Variants in DHX36 observed in about 807,000 individuals in gnomAD.
The protein encoded by DHX36 is DEAH-box helicase 36, also known as ATP-dependent DNA/RNA helicase DHX36.
In DHX36, 50 loss-of-function variants were observed where a neutral mutation model predicts 139.0. The observed-to-expected ratio is 0.36, with a 90% CI of 0.29 to 0.46. The LOEUF (loss-of-function observed/expected upper bound fraction) is 0.46. Among genes scored for constraint, DHX36 ranks in the 20% least tolerant of loss-of-function variants. The probability of loss-of-function intolerance (pLI) is 1.00; values close to 1 mark genes in which losing one functional copy is unlikely to be tolerated. For missense variants in DHX36, 1,024 were observed against 1,211.3 expected (o/e 0.85, Z 2.29); for synonymous variants, 425 against 401.9 (o/e 1.06, Z -0.69).
At chr3:154,305,222 A>T in intron 6 of DHX36, 54 bp from the exon 7 acceptor site, 1 of 1,442,074 alleles carries the variant, frequency 6.9e-7, no homozygotes, top group Non-Finnish European at 9.6e-7. Context: ...CTAATAATTA[A>T]CTACCACAAA....
At chr3:154,321,373 C>T (rs1248524787) in intron 1 of DHX36, among the ~76,000 whole-genome samples, 2 of 152,142 alleles carry the variant, frequency 1.3e-5, no homozygotes, top group Non-Finnish European at 2.9e-5. Flanking sequence ...TTTCCAAACC[C>T]CAAACTTCAA....
rs1261405159 is a variant in DHX36, at chr3:154,284,882, A to C, written c.2137T>G (p.Cys713Gly). ...GKMILFGALF[C>G]CLDPVLTIAA... ...ATAGTGAGTACTGGGTCTAAGCAGCAGAACAGTGCTCCAAAAAGAATCATT... is the reference window on the plus strand; with the variant it reads ...ATAGTGAGTACTGGGTCTAAGCAGCCGAACAGTGCTCCAAAAAGAATCATT... Residue 713 changes from cysteine to glycine, a missense_variant, in exon 18 of 25, where the codon TGC (cysteine) becomes GGC (glycine). By Grantham distance (159) the Cys-to-Gly change is radical (BLOSUM62 -3). Around this residue, in one of 4 missense-constraint regions of DHX36, gnomAD observed 470 missense variants for 616.2 expected, o/e 0.76. Transcript: ENST00000496811. The C allele has an allele frequency of 6.2e-7, 1 of 1,614,196 alleles. No homozygotes were observed. Among genetic ancestry groups the C allele is most frequent in the Non-Finnish European group, 8.5e-7 (1 of 1,180,014 alleles).
intron 19 of DHX36, among the ~76,000 whole-genome samples, chr3:154,284,266 G>A (rs58677326): frequency 3.5e-4 from 54 of 152,132 alleles, no homozygotes; most frequent in African/African-American, 1.2e-3. Context: ...TGCAACCACC[G>A]CGCCCCGGAG....
chr3:154,275,054 C>G lies in DHX36; in HGVS notation c.*1117G>C, dbSNP rs1719106652. On this transcript the variant is annotated 3_prime_UTR_variant, in exon 25 of 25. Coordinates refer to ENST00000496811, the MANE Select transcript of DHX36 (RefSeq NM_020865.3). The stretch of plus-strand genomic sequence containing the variant: ...AGATTCAGAGAGTACAGGCACTAGC[C>G]TATGTGCTTTACATGTATTAATGTA... The G allele has an allele frequency of 2.0e-5, 3 of 152,144 alleles. No individual in the cohort carries two copies. In the South Asian group the frequency reaches 6.2e-4, roughly 32 times the overall value. 9.4% of individuals were successfully genotyped at this position (152,144 alleles called of 1,614,324 possible).
chr3:154,301,126 AC>A lies in DHX36; in HGVS notation c.1218del (p.Arg406SerfsTer22). On this transcript the variant is annotated frameshift_variant and splice_region_variant, in exon 10 of 25. Coordinates refer to ENST00000496811, the MANE Select transcript of DHX36 (RefSeq NM_020865.3). LOFTEE classifies it high-confidence loss of function. ...CTGTGTTCTTTTTGTTCTGGAACAT[AC>A]CTAAAATAAAAACATTCTTGAATAT... The part of the protein sequence containing the change: ...YLLEDVIEKI[R>X]YVPEQKEHRS... 6.3e-7 allele frequency: 1 copy of A among 1,576,916 alleles called. No individual in the cohort carries two copies.
At chr3:154,283,473 G>T (rs1027835353) in intron 19 of DHX36, among the ~76,000 whole-genome samples, 15 of 151,942 alleles carry the variant, frequency 9.9e-5, no homozygotes, top group African/African-American at 2.7e-4. Context: ...AACCACCACT[G>T]AAGTTCCAGA....
At chr3:154,280,955 T>C (rs1719316726) in intron 20 of DHX36, 93 bp from the exon 21 acceptor site, 1 of 925,876 alleles carries the variant, frequency 1.1e-6, no homozygotes, top group Non-Finnish European at 1.6e-6. Flanking sequence ...TTGTAAGCTA[T>C]CCCTGCTTTA....
Position 154,324,342 on chromosome 3 carries a change from C to A in DHX36, c.75G>T (p.Gly25=), listed in dbSNP as rs201413099. 3,494 of 1,606,672 alleles carry A rather than the reference C, an allele frequency of 2.2e-3. 11 individuals are homozygous for A. Among genetic ancestry groups the A allele is most frequent in the Non-Finnish European group, 2.7e-3 (3,198 of 1,176,290 alleles). Reference sequence around the variant, plus strand: ...GGTTACCTCCATGACCCCCTGCTGGCCCCCCTCCATAGCCCCCACCGGAGC... The same window carrying A: ...GGTTACCTCCATGACCCCCTGCTGGACCCCCTCCATAGCCCCCACCGGAGC... ...PRSSGGGYGG[G]PAGGHGGNRG... The change falls in exon 1 of 25, where the codon GGG becomes GGT. Residue 25 remains glycine, a synonymous_variant. Coordinates refer to ENST00000496811, the MANE Select transcript of DHX36 (RefSeq NM_020865.3).
chr3:154,290,339 A>G (rs914967522), intron 15 of DHX36, among the ~76,000 whole-genome samples: 4 of 152,124 alleles, frequency 2.6e-5, no homozygotes, highest in Non-Finnish European at 4.4e-5. Context: ...TTGAACAATG[A>G]TAAGACTAGA....
At chr3:154,277,429 C>T (rs529761153) in intron 23 of DHX36, among the ~76,000 whole-genome samples, 169 bp downstream of exon 23, 222 of 152,014 alleles carry the variant, frequency 1.5e-3, no homozygotes, top group Non-Finnish European at 2.3e-3. Flanking sequence ...TCATTACAGA[C>T]CTGAAAATTA....
intron 15 of DHX36, among the ~76,000 whole-genome samples, chr3:154,291,229 G>C (rs1358777020): frequency 1.3e-5 from 2 of 149,856 alleles, no homozygotes; most frequent in African/African-American, 2.5e-5. Flanking sequence ...GTTTGCAGAA[G>C]GAATTTTTAT....
In DHX36 at chr3:154,324,302, C is replaced by G; in HGVS notation, c.115G>C (p.Gly39Arg). The stretch of plus-strand genomic sequence containing the variant: ...CGACCACCCCCTCCGCCGCCGCCGC[C>G]TCCTCCGGAGCCTCGGTTACCTCCA... Reference protein sequence around the residue: ...GHGGNRGSGGGGGGGGGGRGG... With the variant: ...GHGGNRGSGGRGGGGGGGRGG... The change falls in exon 1 of 25, where the codon GGC becomes CGC. Residue 39 changes from glycine to arginine, a missense_variant. Coordinates refer to ENST00000496811, the MANE Select transcript of DHX36 (RefSeq NM_020865.3). 1 of 1,612,426 alleles carries G rather than the reference C, an allele frequency of 6.2e-7. No individual in the cohort carries two copies. The highest frequency in any genetic ancestry group is 8.5e-7 in the Non-Finnish European group (1 of 1,179,292).
In DHX36 at chr3:154,293,777, T is replaced by A. The variant is rs769176136; in HGVS notation, c.1641A>T (p.Ile547=). 15 of 1,613,304 alleles carry A rather than the reference T, an allele frequency of 9.3e-6. No homozygotes were observed. The South Asian group carries it at 1.6e-4, about 18-fold the overall frequency. Reference sequence around the variant, plus strand: ...TCTCCGCAATGTTGGTAGCAATTACTATTTTCCGAACACCAGGAGGGGTTC... The same window carrying A: ...TCTCCGCAATGTTGGTAGCAATTACAATTTTCCGAACACCAGGAGGGGTTC... ...FKRTPPGVRK[I]VIATNIAETS... Residue 547 remains isoleucine (I), a synonymous_variant, in exon 14 of 25, where the codon ATA becomes ATT. Coordinates refer to ENST00000496811, the MANE Select transcript of DHX36 (RefSeq NM_020865.3).
At chr3:154,280,917 T>G in intron 20 of DHX36, 55 bp from the exon 21 acceptor site, 1 of 1,287,480 alleles carries the variant, frequency 7.8e-7, no homozygotes, top group Non-Finnish European at 1.1e-6. Context: ...ATTGAGGCTA[T>G]AAACCATACA....
At chr3:154,309,282 C>T (rs915243045) in intron 5 of DHX36, among the ~76,000 whole-genome samples, 1 of 149,746 alleles carries the variant, frequency 6.7e-6, no homozygotes, top group South Asian at 2.1e-4. Flanking sequence ...TATTTACATA[C>T]TCAAAAAATG....
At chr3:154,282,838 C>A (rs992784738) in intron 20 of DHX36, among the ~76,000 whole-genome samples, 2 of 152,152 alleles carry the variant, frequency 1.3e-5, no homozygotes, top group Admixed American at 6.5e-5. Context: ...TTTCACTATA[C>A]TAAACCAGAA....
chr3:154,299,985 A>G, intron 11 of DHX36, 60 bp from the exon 12 acceptor site: 3 of 1,149,866 alleles, frequency 2.6e-6, no homozygotes, highest in South Asian at 2.5e-5. Flanking sequence ...AGTAACAGTA[A>G]AATTGTGTGC....
At chr3:154,292,729 AC>A in intron 14 of DHX36, 35 bp from the exon 15 acceptor site, 1 of 299,344 alleles carries the variant, frequency 3.3e-6, no homozygotes, top group Non-Finnish European at 4.9e-6. Flanking sequence ...ATGTTAAAAC[AC>A]ACACACACAC....
At chr3:154,283,742 A>C (rs966115606) in intron 19 of DHX36, among the ~76,000 whole-genome samples, 1 of 152,162 alleles carries the variant, frequency 6.6e-6, no homozygotes, top group Non-Finnish European at 1.5e-5. Context: ...GTCACATGAA[A>C]CAGAATGTAG....
Sources: gnomAD v4.1 joint callset for allele counts (sites outside exome capture counted in the v4.1 genomes callset) on GRCh38, gnomAD v4.1.1 for gene constraint, gnomAD v4.1.1 regional missense constraint, MANE v1.5 for transcripts, NCBI Gene and HGNC (gene_info 2026-07-23, HGNC 2026-07-21) for gene names.